Variants in RAB6B observed in about 807,000 individuals in gnomAD.
RAB6B encodes ras-related protein Rab-6B.
Under a neutral mutation model 31.2 loss-of-function variants are expected in RAB6B, and 7 were observed. The ratio of observed to expected loss-of-function variants is 0.22; its 90% CI spans 0.13 to 0.42. The LOEUF is 0.42. Ranked by LOEUF, RAB6B falls within the 10% of genes least tolerant of loss-of-function variation. The pLI is 1.00. For synonymous variants in RAB6B, 105 were observed against 104.9 expected (o/e 1.00, Z -0.01); for missense variants, 149 against 280.6 (o/e 0.53, Z 3.35).
intron 2 of RAB6B, among the ~76,000 whole-genome samples, chr3:133,843,881 G>A (rs1576396238): frequency 6.6e-6 from 1 of 152,164 alleles, no homozygotes; most frequent in African/African-American, 2.4e-5. Flanking sequence ...TGACATCAAC[G>A]AAGGCTGACT....
At position 133,828,602 on chromosome 3, in the gene RAB6B, C is replaced by T. The variant is rs919350979; in HGVS notation, c.*186G>A. Reference sequence around the variant, plus strand: ...AAAAAATAGTTGTTTAAGTAACAGCCGTTAAGAGTGATGTGATCCCTGATG... The same window carrying T: ...AAAAAATAGTTGTTTAAGTAACAGCTGTTAAGAGTGATGTGATCCCTGATG... On this transcript the variant is annotated 3_prime_UTR_variant, in exon 8 of 8. Transcript: ENST00000285208. 4.6e-5 allele frequency: 32 copies of T among 688,314 alleles called. No individual in the cohort carries two copies. The highest frequency in any genetic ancestry group is 4.2e-4 in the South Asian group (25 of 58,862). The allele number at this position is 688,314 out of a possible 1,614,324, so 42.6% of individuals were successfully genotyped here.
intron 1 of RAB6B, among the ~76,000 whole-genome samples, chr3:133,883,745 C>T (rs1019979434): frequency 6.6e-6 from 1 of 152,238 alleles, no homozygotes; most frequent in African/African-American, 2.4e-5. Flanking sequence ...CAGAAAAGAA[C>T]ATTTTCTCTT....
At chr3:133,853,662 G>C (rs542063993) in intron 2 of RAB6B, among the ~76,000 whole-genome samples, 1 of 152,204 alleles carries the variant, frequency 6.6e-6, no homozygotes, top group Non-Finnish European at 1.5e-5. Flanking sequence ...TGTTGGCAAG[G>C]TCTGAGTGCT....
chr3:133,835,740 T>C (rs957622719), intron 6 of RAB6B, among the ~76,000 whole-genome samples: 1 of 152,060 alleles, frequency 6.6e-6, no homozygotes, highest in African/African-American at 2.4e-5. Flanking sequence ...AGAGTCCTCA[T>C]GAACGGGATG....
intron 5 of RAB6B, among the ~76,000 whole-genome samples, chr3:133,839,014 C>T (rs908961870): frequency 2.6e-5 from 4 of 152,222 alleles, no homozygotes; most frequent in Non-Finnish European, 4.4e-5. Flanking sequence ...TCATGCCAGA[C>T]GCAGCCACAA....
intron 2 of RAB6B, among the ~76,000 whole-genome samples, chr3:133,844,970 G>A (rs1419325671): frequency 6.7e-6 from 1 of 149,780 alleles, no homozygotes; most frequent in Non-Finnish European, 1.5e-5. Context: ...GTAGGTAGGA[G>A]TTACAACCGC....
At chr3:133,850,975 T>G (rs1169973326) in intron 2 of RAB6B, among the ~76,000 whole-genome samples, 2 of 119,654 alleles carry the variant, frequency 1.7e-5, no homozygotes, top group East Asian at 4.9e-4. Context: ...TGGAAAAAAA[T>G]GGAAGCTAGA....
Position 133,828,603 on chromosome 3 carries a change from G to A in RAB6B, c.*185C>T, listed in dbSNP as rs938721761. 1.0e-5 allele frequency: 7 copies of A among 692,054 alleles called. No homozygotes were observed. Among genetic ancestry groups the A allele is most frequent in the Admixed American group, 4.5e-5 (2 of 44,538 alleles). The allele number at this position is 692,054 out of a possible 1,614,324, so 42.9% of individuals were successfully genotyped here. On this transcript the variant is annotated 3_prime_UTR_variant, in exon 8 of 8. Coordinates refer to ENST00000285208, the MANE Select transcript of RAB6B (RefSeq NM_016577.4). The stretch of plus-strand genomic sequence containing the variant: ...AAAAATAGTTGTTTAAGTAACAGCC[G>A]TTAAGAGTGATGTGATCCCTGATGC...
intron 2 of RAB6B, among the ~76,000 whole-genome samples, chr3:133,862,278 T>C (rs1936171099): frequency 6.6e-6 from 1 of 152,180 alleles, no homozygotes; most frequent in Non-Finnish European, 1.5e-5. Flanking sequence ...TTTTTGTGTG[T>C]GTGCCAGCAG....
In RAB6B at chr3:133,888,629, T is replaced by A. The variant is rs573167473; in HGVS notation, c.70+6768A>T. Among the ~76,000 whole-genome samples the A allele has an allele frequency of 2.6e-5, 4 of 152,340 alleles. No homozygotes were observed. The South Asian group carries it at 6.2e-4, about 24-fold the overall frequency. On this transcript the variant is annotated intron_variant, in intron 1 of 7. Transcript: ENST00000285208. ...AATAAATAAGTTTTTCTACAAAAAA[T>A]AAATCACTTTATTAAAATGCTAAAT...
intron 7 of RAB6B, among the ~76,000 whole-genome samples, chr3:133,831,648 T>C (rs753010750): frequency 1.8e-4 from 27 of 152,208 alleles, no homozygotes; most frequent in Non-Finnish European, 3.1e-4. Context: ...GAAGAATGAC[T>C]GGACCCATGT....
At chr3:133,888,881 T>G (rs1170644624) in intron 1 of RAB6B, among the ~76,000 whole-genome samples, 1 of 152,122 alleles carries the variant, frequency 6.6e-6, no homozygotes, top group African/African-American at 2.4e-5. Context: ...AGGCCCTGCT[T>G]GGAGCCCCAT....
Position 133,895,513 on chromosome 3 carries a change from G to T in RAB6B, c.-47C>A, listed in dbSNP as rs1291870997. On this transcript the variant is annotated 5_prime_UTR_variant, in exon 1 of 8. Transcript: ENST00000285208. ...GAGAGGAGGAGGAGGAAAAAGCGAA[G>T]GAGCAGGGAGGGGAGAGTAGGAGGG... 3 of 1,592,064 alleles carry T rather than the reference G, an allele frequency of 1.9e-6. No individual in the cohort carries two copies. The East Asian group carries it at 6.7e-5, about 36-fold the overall frequency.
At chr3:133,881,292 G>A (rs1936463855) in intron 1 of RAB6B, among the ~76,000 whole-genome samples, 2 of 152,172 alleles carry the variant, frequency 1.3e-5, no homozygotes, top group South Asian at 4.1e-4. Context: ...ATGTGAAGAG[G>A]GGCCACAGAA....
chr3:133,832,272 G>A (rs959584434), intron 7 of RAB6B, among the ~76,000 whole-genome samples: 4 of 152,076 alleles, frequency 2.6e-5, no homozygotes, highest in Non-Finnish European at 5.9e-5. Context: ...GTGGCCCCTT[G>A]GCTCCTACTT....
At chr3:133,877,493 A>T (rs1282987528) in intron 1 of RAB6B, among the ~76,000 whole-genome samples, 3 of 152,188 alleles carry the variant, frequency 2.0e-5, no homozygotes, top group African/African-American at 7.2e-5. Context: ...GGTAATAATT[A>T]GCCATACACT....
chr3:133,871,983 A>C (rs577803356), intron 1 of RAB6B, among the ~76,000 whole-genome samples: 1 of 152,272 alleles, frequency 6.6e-6, no homozygotes, highest in South Asian at 2.1e-4. Context: ...GAGGGCAGGC[A>C]GGACAGATGT....
Position 133,825,078 on chromosome 3 carries a change from A to G in RAB6B, c.*3710T>C, listed in dbSNP as rs1407996078. ...CAGTTCGGAAACGAGTGTGCGCACAATCTGCTCGGTTGATGCACACAGACA... is the reference window on the plus strand; with the variant it reads ...CAGTTCGGAAACGAGTGTGCGCACAGTCTGCTCGGTTGATGCACACAGACA... On this transcript the variant is annotated 3_prime_UTR_variant, in exon 8 of 8. Transcript: ENST00000285208. 2.6e-5 allele frequency: 4 copies of G among 152,076 alleles called. No individual in the cohort carries two copies. The highest frequency in any genetic ancestry group is 1.3e-4 in the Admixed American group (2 of 15,278). The allele number at this position is 152,076 out of a possible 1,614,324, so 9.4% of individuals were successfully genotyped here. A position where few individuals can be genotyped will look rare whatever the true frequency, so the allele number is the denominator to read the frequency against.
At position 133,827,808 on chromosome 3, in the gene RAB6B, A is replaced by G. The variant is rs751036251; in HGVS notation, c.*980T>C. 2.9e-6 allele frequency: 1 copy of G among 347,372 alleles called. No individual in the cohort carries two copies. Among genetic ancestry groups the G allele is most frequent in the South Asian group, 1.9e-5 (1 of 51,770 alleles). The allele number at this position is 347,372 out of a possible 1,614,324, so 21.5% of individuals were successfully genotyped here. ...AACTCCAGGTGGTCCAGCTTCCCTG[A>G]CATCCAGGAGGAAGGCTTCAGGATG... On this transcript the variant is annotated 3_prime_UTR_variant, in exon 8 of 8. Coordinates refer to ENST00000285208, the MANE Select transcript of RAB6B (RefSeq NM_016577.4).
Sources: allele counts gnomAD v4.1 joint callset (sites outside exome capture counted in the v4.1 genomes callset), GRCh38; gene constraint gnomAD v4.1.1; transcripts MANE v1.5; gene names NCBI Gene and HGNC (gene_info 2026-07-23, HGNC 2026-07-21).